Variants in ANKRD45 observed in about 807,000 individuals in gnomAD.
ANKRD45 encodes ankyrin repeat domain 45.
In ANKRD45, 21 loss-of-function variants were observed where a neutral mutation model predicts 28.1. The ratio of observed to expected loss-of-function variants is 0.75; its 90% confidence interval spans 0.53 to 1.08. The LOEUF is 1.08. ANKRD45 is among the 50% of genes least tolerant of loss of function. The pLI is 0.00. For missense variants in ANKRD45, 261 were observed against 308.7 expected, an observed-to-expected ratio of 0.85 and a Z score of 1.16; for synonymous variants, 86 against 103.9, an observed-to-expected ratio of 0.83 and a Z score of 1.05.
chr1:173,679,619 C>T, the ANKRD45 span, among the ~76,000 whole-genome samples: 1 of 152,182 alleles, frequency 6.6e-6, no homozygotes, highest in African/African-American at 2.4e-5. Context: ...CAATACCATT[C>T]AGGACATGGG....
the ANKRD45 span, among the ~76,000 whole-genome samples, chr1:173,698,431 C>A: frequency 6.6e-6 from 1 of 152,114 alleles, no homozygotes; most frequent in Non-Finnish European, 1.5e-5. Flanking sequence ...GTAAAGCACT[C>A]CTCAGCAAAT....
chr1:173,650,751 G>A (rs1464893442), intron 2 of ANKRD45, among the ~76,000 whole-genome samples: 5 of 152,158 alleles, frequency 3.3e-5, no homozygotes, highest in Non-Finnish European at 5.9e-5. Flanking sequence ...ATCCTCTCCA[G>A]TACCTGTTGT....
intron 3 of ANKRD45, chr1:173,635,542 G>A (rs560265327): frequency 2.0e-4 from 304 of 1,529,066 alleles, no homozygotes; most frequent in Middle Eastern, 5.0e-4. Flanking sequence ...AAAGACTACC[G>A]CTGATTTTTT....
Position 173,610,073 on chromosome 1 carries a change from G to T in ANKRD45, c.*72C>A. 4.2e-6 allele frequency: 6 copies of T among 1,437,502 alleles called. No homozygotes were observed. The highest frequency in any genetic ancestry group is 1.8e-4 in the Middle Eastern group (1 of 5,614). 89.0% of individuals were successfully genotyped at this position (1,437,502 alleles called of 1,614,324 possible). The stretch of plus-strand genomic sequence containing the variant: ...TAAAGAAACCCACATCTGTTTTCTC[G>T]ATTTCAAATGGCATGAATAGGTTTG... On this transcript the variant is annotated 3_prime_UTR_variant, in exon 6 of 6. Coordinates refer to ENST00000333279, the MANE Select transcript of ANKRD45 (RefSeq NM_198493.3).
chr1:173,689,875 C>T, the ANKRD45 span, among the ~76,000 whole-genome samples: 2 of 152,016 alleles, frequency 1.3e-5, no homozygotes, highest in East Asian at 1.9e-4. Flanking sequence ...ACCATAGCAG[C>T]CCTACAAATC....
At chr1:173,635,850 A>T (rs1668412378) in intron 3 of ANKRD45, 1 of 1,517,350 alleles carries the variant, frequency 6.6e-7, no homozygotes, top group Non-Finnish European at 8.8e-7. Flanking sequence ...AAAAAGGTGA[A>T]TTCGTGATAC....
At chr1:173,674,321 A>G (rs1258689777), upstream of ANKRD45, among the ~76,000 whole-genome samples, 2 of 149,794 alleles carry the variant, frequency 1.3e-5, no homozygotes, top group Non-Finnish European at 3.0e-5. Context: ...GCCCACCTTC[A>G]TGGTTCTTTT....
chr1:173,638,527 T>C (rs1558130211), intron 3 of ANKRD45, among the ~76,000 whole-genome samples: 1 of 151,360 alleles, frequency 6.6e-6, no homozygotes, highest in African/African-American at 2.4e-5. Context: ...GCAAGGGGGG[T>C]TGAAAGCTCC....
chr1:173,686,539 C>G, the ANKRD45 span, among the ~76,000 whole-genome samples: 1 of 152,106 alleles, frequency 6.6e-6, no homozygotes, highest in Admixed American at 6.5e-5. Context: ...GATCCTCAGG[C>G]TGGTGCTGGT....
At chr1:173,690,346 G>A in the ANKRD45 span, among the ~76,000 whole-genome samples, 54 of 152,050 alleles carry the variant, frequency 3.6e-4, no homozygotes, top group Admixed American at 3.3e-3. Context: ...GGGAAAGATC[G>A]GGGACACTGA....
chr1:173,617,013 G>GT (rs1667492619), intron 5 of ANKRD45, among the ~76,000 whole-genome samples: 1 of 152,026 alleles, frequency 6.6e-6, no homozygotes, highest in African/African-American at 2.4e-5. Flanking sequence ...TGCTTGAGGA[G>GT]TAAGTAAAGT....
rs554943669 is a variant in ANKRD45 at position 173,644,314 on chromosome 1, A to T, written c.496+2532T>A. On this transcript the variant is annotated intron_variant, in intron 3 of 5. Transcript: ENST00000333279. ...GACATTCCACAGCTACATTACTATG[A>T]AACTCCATTCTGAATAAGACTGAAT... Among the ~76,000 whole-genome samples the T allele has an allele frequency of 2.0e-5, 3 of 152,340 alleles. No homozygotes were observed. In the East Asian group the frequency reaches 5.8e-4, roughly 29 times the overall value.
intron 3 of ANKRD45, chr1:173,635,506 C>T (rs1239477760): frequency 6.8e-7 from 1 of 1,465,526 alleles, no homozygotes; most frequent in Non-Finnish European, 9.0e-7. Flanking sequence ...ACTTTTTTTT[C>T]AATTGACAAA....
chr1:173,709,081 C>G, the ANKRD45 span, among the ~76,000 whole-genome samples: 3 of 152,254 alleles, frequency 2.0e-5, no homozygotes, highest in Non-Finnish European at 2.9e-5. Context: ...CAAGTGCACC[C>G]TGGCCAACCT....
At chr1:173,648,325 T>C (rs1300179891) in intron 2 of ANKRD45, among the ~76,000 whole-genome samples, 1 of 152,074 alleles carries the variant, frequency 6.6e-6, no homozygotes, top group Non-Finnish European at 1.5e-5. Flanking sequence ...AGTCCTTTCC[T>C]GGCCTCCCAA....
the ANKRD45 span, among the ~76,000 whole-genome samples, chr1:173,679,990 TAC>T: frequency 2.0e-5 from 3 of 152,240 alleles, no homozygotes; most frequent in South Asian, 4.1e-4. Flanking sequence ...CAAAAGGAGA[TAC>T]TGTCTCGCAC....
At chr1:173,710,928 C>G in the ANKRD45 span, among the ~76,000 whole-genome samples, 1 of 151,902 alleles carries the variant, frequency 6.6e-6, no homozygotes, top group African/African-American at 2.4e-5. Flanking sequence ...TCACTTGAGC[C>G]CAGGAAGCAG....
the ANKRD45 span, among the ~76,000 whole-genome samples, chr1:173,685,019 G>T: frequency 1.3e-5 from 2 of 152,200 alleles, no homozygotes; most frequent in African/African-American, 4.8e-5. Flanking sequence ...AGAGTCAAAA[G>T]ACCTATAAGA....
At chr1:173,670,035 ATTTG>A (rs1336972990), upstream of ANKRD45, among the ~76,000 whole-genome samples, 1 of 152,146 alleles carries the variant, frequency 6.6e-6, no homozygotes, top group African/African-American at 2.4e-5. Context: ...GTAATAAGGT[ATTTG>A]TTTTACAGTT....
Sources: allele counts gnomAD v4.1 joint callset (sites outside exome capture counted in the v4.1 genomes callset), GRCh38; gene constraint gnomAD v4.1.1; transcripts MANE v1.5; gene names NCBI Gene and HGNC (gene_info 2026-07-23, HGNC 2026-07-21).